Variants in PLD1 observed in about 807,000 individuals in gnomAD.
PLD1 encodes the protein phospholipase D1.
In PLD1, 112 loss-of-function variants were observed where a neutral mutation model predicts 137.1. That is an observed-to-expected ratio of 0.82 (90% CI 0.70 to 0.96). The LOEUF (loss-of-function observed/expected upper bound fraction) is 0.96. Among genes scored for constraint, PLD1 ranks in the 40% least tolerant of loss-of-function variants. The probability of loss-of-function intolerance (pLI) is 0.00; values close to 1 mark genes in which losing one functional copy is unlikely to be tolerated. For synonymous variants in PLD1, 431 were observed against 454.7 expected (o/e 0.95, Z 0.66); for missense variants, 1,321 against 1,342.0 (o/e 0.98, Z 0.24).
intron 21 of PLD1, among the ~76,000 whole-genome samples, 158 bp downstream of exon 21, chr3:171,659,055 C>T (rs1737442265): frequency 6.6e-6 from 1 of 152,184 alleles, no homozygotes; most frequent in Admixed American, 6.5e-5. Context: ...AAATCTTTAG[C>T]AACTGACTCA....
chr3:171,785,906 C>G (rs758348189), intron 1 of PLD1, among the ~76,000 whole-genome samples: 22 of 152,160 alleles, frequency 1.4e-4, no homozygotes, highest in Non-Finnish European at 2.4e-4. Context: ...AGTGATTTAC[C>G]CATTCAATGG....
chr3:171,764,938 GAAAGAAAGAAAGAAAGAAA>G (rs1721828030), intron 1 of PLD1, among the ~76,000 whole-genome samples: 3 of 6,238 alleles, frequency 4.8e-4, no homozygotes, highest in Non-Finnish European at 6.9e-4. Context: ...AGAAAGGAAA[GAAAGAAAGAAAGAAAGAAA>G]GAAAGAAAGA....
At chr3:171,753,490 G>T (rs1223236457) in intron 1 of PLD1, among the ~76,000 whole-genome samples, 1 of 152,188 alleles carries the variant, frequency 6.6e-6, no homozygotes, top group Non-Finnish European at 1.5e-5. Context: ...TCACTCAATG[G>T]ATATTTATTG....
chr3:171,614,985 C>G (rs1035129516), intron 24 of PLD1, among the ~76,000 whole-genome samples: 10 of 152,200 alleles, frequency 6.6e-5, no homozygotes, highest in Non-Finnish European at 1.5e-5. Context: ...ACCCAGATAA[C>G]TGACTCTCCA....
chr3:171,794,749 T>A (rs1723361415), intron 1 of PLD1, among the ~76,000 whole-genome samples: 1 of 152,160 alleles, frequency 6.6e-6, no homozygotes, highest in Non-Finnish European at 1.5e-5. Context: ...AGTTTTGGGA[T>A]ACACCTTTGC....
intron 1 of PLD1, among the ~76,000 whole-genome samples, chr3:171,766,971 A>T (rs1269698243): frequency 1.3e-5 from 2 of 152,158 alleles, no homozygotes; most frequent in Non-Finnish European, 1.5e-5. Flanking sequence ...TATGTCTTTT[A>T]AAAAAATATA....
chr3:171,701,897 C>T (rs188101787), intron 11 of PLD1, among the ~76,000 whole-genome samples: 147 of 152,072 alleles, frequency 9.7e-4, no homozygotes, highest in Non-Finnish European at 9.6e-4. Context: ...ATCCTGATTG[C>T]GGAGATATTA....
Position 171,783,938 on chromosome 3 carries a change from C to T in PLD1, c.-32+26461G>A, listed in dbSNP as rs140993640. Among the ~76,000 whole-genome samples, 54 of 152,278 alleles carry T rather than the reference C, an allele frequency of 3.5e-4. 1 individual carries two copies. The East Asian group carries it at 9.4e-3, about 27-fold the overall frequency. ...CTGGGATTACAGGTGTGAGCCACTG[C>T]GCCCAGCCCACCCTCTTAACTGTAA... On this transcript the variant is annotated intron_variant, in intron 1 of 26. Transcript: ENST00000351298.
chr3:171,790,762 G>A (rs1723182558), intron 1 of PLD1, among the ~76,000 whole-genome samples: 1 of 152,148 alleles, frequency 6.6e-6, no homozygotes, highest in South Asian at 2.1e-4. Context: ...GTGGCAGATT[G>A]GAGAGCTCTA....
intron 1 of PLD1, among the ~76,000 whole-genome samples, chr3:171,786,353 A>G (rs1005949826): frequency 1.3e-5 from 2 of 152,222 alleles, no homozygotes; most frequent in African/African-American, 4.8e-5. Context: ...AAGATAAAGA[A>G]AAGATCCAGT....
rs1318910120 is a variant in PLD1 at position 171,737,642 on chromosome 3, C to T, written c.178G>A (p.Ala60Thr). Residue 60 changes from alanine to threonine, a missense_variant, in exon 3 of 27, where the codon GCT becomes ACT. Coordinates refer to ENST00000351298, the MANE Select transcript of PLD1 (RefSeq NM_002662.5). ...KIQEVYIPFS[A>T]IYNTQGFKEP... is the part of the protein sequence containing the mutation. ...TTAAATCCTTGAGTGTTATAAATAG[C>T]AGAGAAAGGGATATACACTAAAAAA... The T allele has an allele frequency of 6.4e-7, 1 of 1,557,170 alleles. No homozygotes were observed. The highest frequency in any genetic ancestry group is 8.8e-7 in the Non-Finnish European group (1 of 1,132,836).
chr3:171,625,002 T>C (rs1454341049), intron 23 of PLD1, among the ~76,000 whole-genome samples: 1 of 152,046 alleles, frequency 6.6e-6, no homozygotes, highest in African/African-American at 2.4e-5. Context: ...ATGTTTTTTG[T>C]ATAGTTCTGG....
At chr3:171,634,883 CATTTTTAT>C (rs1734973159) in intron 23 of PLD1, among the ~76,000 whole-genome samples, 1 of 152,030 alleles carries the variant, frequency 6.6e-6, no homozygotes, top group African/African-American at 2.4e-5. Context: ...AATTTTAAGA[CATTTTTAT>C]CACTCCCCCA....
At chr3:171,665,108 C>T (rs565490135) in intron 19 of PLD1, among the ~76,000 whole-genome samples, 2 of 152,136 alleles carry the variant, frequency 1.3e-5, no homozygotes, top group South Asian at 4.1e-4. Flanking sequence ...TGAACTCATT[C>T]ACATAAGATT....
chr3:171,657,836 TTC>T lies in PLD1; in HGVS notation c.2429+1375_2429+1376del, dbSNP rs1313870672. 4.6e-5 allele frequency among the ~76,000 whole-genome samples: 7 copies of T among 152,088 alleles called. No individual in the cohort carries two copies. The East Asian group carries it at 1.4e-3, about 29-fold the overall frequency. On this transcript the variant is annotated intron_variant, in intron 21 of 26. Transcript: ENST00000351298. ...TAGCTTTTATCAAAATAAAAAAAAT[TTC>T]TGTTTCAAATGACACCAGCAAGAAA...
At chr3:171,699,568 A>C (rs2108540915) in intron 12 of PLD1, among the ~76,000 whole-genome samples, 177 bp downstream of exon 12, 1 of 152,336 alleles carries the variant, frequency 6.6e-6, no homozygotes, top group East Asian at 1.9e-4. Flanking sequence ...ATATTTATGC[A>C]CTCAAAAGCA....
chr3:171,690,794 T>C (rs748752554), intron 13 of PLD1, among the ~76,000 whole-genome samples: 2 of 152,198 alleles, frequency 1.3e-5, no homozygotes, highest in African/African-American at 2.4e-5. Context: ...GAGAAGAATG[T>C]GTATCCTGCT....
At position 171,702,366 on chromosome 3, in the gene PLD1, T is replaced by G. The variant is rs543932263; in HGVS notation, c.1146-2540A>C. Among the ~76,000 whole-genome samples, 7 of 151,898 alleles carry G rather than the reference T, an allele frequency of 4.6e-5. No homozygotes were observed. In the South Asian group the frequency reaches 1.5e-3, roughly 32 times the overall value. On this transcript the variant is annotated intron_variant, in intron 11 of 26. Coordinates refer to ENST00000351298, the MANE Select transcript of PLD1 (RefSeq NM_002662.5). ...AGCCAGACATGGTGGCTCATGTCTG[T>G]AGTTCCAGCTACTCGGGGGGCTGAG...
intron 20 of PLD1, among the ~76,000 whole-genome samples, chr3:171,661,516 C>A (rs1261750792): frequency 6.6e-6 from 1 of 152,032 alleles, no homozygotes; most frequent in Admixed American, 6.5e-5. Context: ...TCTAAAAATT[C>A]TGGGATGAAA....
Sources: gnomAD v4.1 joint callset for allele counts (sites outside exome capture counted in the v4.1 genomes callset) on GRCh38, gnomAD v4.1.1 for gene constraint, MANE v1.5 for transcripts, NCBI Gene and HGNC (gene_info 2026-07-23, HGNC 2026-07-21) for gene names.